The following ACSL5 variants were observed in gnomAD, a reference collection of about 807,000 sequenced individuals.
ACSL5 encodes long-chain-fatty-acid--CoA ligase 5.
ACSL5 carries 50 observed loss-of-function variants against 84.9 expected under a neutral mutation model. That is an observed-to-expected ratio of 0.59 (90% confidence interval 0.47 to 0.75). The LOEUF (loss-of-function observed/expected upper bound fraction) is 0.75, where lower values mean the gene tolerates loss of function less well. Ranked by LOEUF, ACSL5 falls within the 30% of genes least tolerant of loss-of-function variation. The pLI, the probability that ACSL5 is intolerant of heterozygous loss-of-function variation, is 0.00. For synonymous variants in ACSL5, 280 were observed against 300.7 expected (o/e 0.93, Z 0.71); for missense variants, 775 against 830.4 (o/e 0.93, Z 0.82).
At chr10:112,390,462 A>G (rs1199801223) in intron 1 of ACSL5, among the ~76,000 whole-genome samples, 1 of 152,234 alleles carries the variant, frequency 6.6e-6, no homozygotes, top group Non-Finnish European at 1.5e-5. Context: ...CTACTGTGGA[A>G]AACACTTTGG....
chr10:112,423,649 A>G (rs1199871495), intron 17 of ACSL5, among the ~76,000 whole-genome samples: 2 of 152,126 alleles, frequency 1.3e-5, no homozygotes, highest in Non-Finnish European at 2.9e-5. Flanking sequence ...TTTAGACCCA[A>G]ACTGAAGGTG....
intron 1 of ACSL5, among the ~76,000 whole-genome samples, chr10:112,394,563 T>C (rs1843704628): frequency 6.6e-6 from 1 of 152,256 alleles, no homozygotes; most frequent in Non-Finnish European, 1.5e-5. Context: ...CATCAGATTA[T>C]GTTGGGTCTA....
chr10:112,411,841 T>C (rs876873), intron 10 of ACSL5, 61 bp from the exon 11 acceptor site: 225,057 of 1,476,868 alleles, frequency 0.15, 18,548 homozygotes, highest in African/African-American at 0.25. Context: ...AAAATCTCCA[T>C]TGGAATTGAA....
rs752537821 is a variant in ACSL5 at position 112,422,425 on chromosome 10, T to C, written c.1577T>C (p.Ile526Thr). Residue 526 changes from isoleucine (I) to threonine (T), a missense_variant, in exon 17 of 21, where the codon ATT (isoleucine) becomes ACT (threonine). Coordinates refer to ENST00000354655, the MANE Select transcript of ACSL5 (RefSeq NM_203379.2). The part of the protein sequence containing the change: ...DSDGWLHTGD[I>T]GRWLPNGTLK... ...GATGGCTGGCTTCACACAGGAGACATTGGTCGCTGGCTCCCGGTAGGTATA... is the reference window on the plus strand; with the variant it reads ...GATGGCTGGCTTCACACAGGAGACACTGGTCGCTGGCTCCCGGTAGGTATA... 5.6e-6 allele frequency: 9 copies of C among 1,613,944 alleles called. No homozygotes were observed. Among genetic ancestry groups the C allele is most frequent in the Non-Finnish European group, 5.9e-6 (7 of 1,179,954 alleles).
intron 3 of ACSL5, among the ~76,000 whole-genome samples, chr10:112,400,206 T>C (rs748768487): frequency 1.8e-4 from 27 of 152,032 alleles, no homozygotes; most frequent in Non-Finnish European, 4.0e-4. Context: ...ATAATTTCCT[T>C]TGGGGTTTTT....
At chr10:112,408,298 C>CAA (rs369014571) in intron 5 of ACSL5, 124 bp from the exon 6 acceptor site, 5,279 of 460,000 alleles carry the variant, frequency 0.011, 6 homozygotes, top group African/African-American at 0.021. Context: ...GGCACTGTCT[C>CAA]AAAAAAAAAA....
chr10:112,425,568 G>T, intron 18 of ACSL5, 87 bp downstream of exon 18: 26 of 933,116 alleles, frequency 2.8e-5, no homozygotes, highest in South Asian at 7.0e-5. Context: ...GTTGGGTTCA[G>T]AATGAGAAGA....
chr10:112,421,517 C>T (rs923549151), intron 14 of ACSL5, 76 bp from the exon 15 acceptor site: 21 of 1,334,626 alleles, frequency 1.6e-5, no homozygotes, highest in Middle Eastern at 3.6e-4. Flanking sequence ...TTGCTTTCCT[C>T]GTGTCTTGAC....
chr10:112,425,131 C>T (rs1299578992), intron 17 of ACSL5: 3 of 400,446 alleles, frequency 7.5e-6, no homozygotes, highest in East Asian at 3.9e-5. Flanking sequence ...ATTGACTCTC[C>T]ACATAGATAT....
intron 2 of ACSL5, among the ~76,000 whole-genome samples, chr10:112,396,596 T>C (rs1417519512): frequency 5.9e-5 from 9 of 152,214 alleles, no homozygotes; most frequent in Admixed American, 5.9e-4. Flanking sequence ...TGCCTAAGTC[T>C]GTGACACTGA....
At chr10:112,427,195 ATG>A (rs751452222) in intron 20 of ACSL5, 21 bp from the exon 21 acceptor site, 2 of 1,603,058 alleles carry the variant, frequency 1.2e-6, no homozygotes, top group Non-Finnish European at 1.7e-6. Flanking sequence ...ATGAGCATGG[ATG>A]TGTGTGTGTT....
At chr10:112,408,658 T>C (rs1037056902) in intron 6 of ACSL5, 137 bp downstream of exon 6, 4 of 642,822 alleles carry the variant, frequency 6.2e-6, no homozygotes, top group Non-Finnish European at 1.1e-5. Context: ...CAAGTCTTTC[T>C]AGTTTTGTAG....
At chr10:112,405,413 C>T (rs1404064351) in intron 5 of ACSL5, among the ~76,000 whole-genome samples, 2 of 152,180 alleles carry the variant, frequency 1.3e-5, no homozygotes, top group Non-Finnish European at 2.9e-5. Flanking sequence ...GTGTTATCAG[C>T]AAGGCTTCCA....
chr10:112,387,312 G>A (rs1849472891), intron 1 of ACSL5, among the ~76,000 whole-genome samples: 1 of 152,206 alleles, frequency 6.6e-6, no homozygotes, highest in Admixed American at 6.5e-5. Flanking sequence ...GGGCTCTGAG[G>A]AAATTGGGTG....
intron 3 of ACSL5, 30 bp from the exon 4 acceptor site, chr10:112,404,481 G>T: frequency 6.3e-7 from 1 of 1,584,454 alleles, no homozygotes; most frequent in Non-Finnish European, 8.7e-7. Context: ...TGCAACTGGA[G>T]TTGATTTTCT....
At chr10:112,379,964 C>T (rs1025368596) in intron 1 of ACSL5, among the ~76,000 whole-genome samples, 1 of 152,186 alleles carries the variant, frequency 6.6e-6, no homozygotes, top group African/African-American at 2.4e-5. Context: ...GTGACAGGGT[C>T]CTAGCACTTT....
intron 16 of ACSL5, 141 bp downstream of exon 16, chr10:112,422,176 A>G: frequency 8.9e-7 from 1 of 1,124,606 alleles, no homozygotes; most frequent in African/African-American, 1.5e-5. Flanking sequence ...TCACTTTCCT[A>G]TCCCCTATAG....
At chr10:112,408,751 T>C in intron 6 of ACSL5, 1 of 472,566 alleles carries the variant, frequency 2.1e-6, no homozygotes. Flanking sequence ...ATGACATGCG[T>C]CAGGGTGACA....
chr10:112,382,636 A>C (rs903445800), intron 1 of ACSL5, among the ~76,000 whole-genome samples: 46 of 152,264 alleles, frequency 3.0e-4, no homozygotes, highest in African/African-American at 1.0e-3. Context: ...TTCAGCAGCA[A>C]AGATTTTACC....
Sources: allele counts gnomAD v4.1 joint callset (sites outside exome capture counted in the v4.1 genomes callset), GRCh38; gene constraint gnomAD v4.1.1; transcripts MANE v1.5; gene names NCBI Gene and HGNC (gene_info 2026-07-23, HGNC 2026-07-21).